Variants in HDAC6 observed in about 807,000 individuals in gnomAD.
The protein encoded by HDAC6 is protein deacetylase HDAC6.
HDAC6 carries 5 observed loss-of-function variants against 88.9 expected under a neutral mutation model. The observed-to-expected ratio is 0.06, with a 90% CI of 0.03 to 0.12. HDAC6 has a LOEUF of 0.12. Ranked by LOEUF, HDAC6 falls within the 10% of genes least tolerant of loss-of-function variation. HDAC6 has a pLI of 1.00. For missense variants in HDAC6, 706 were observed against 1,014.4 expected (o/e 0.70, Z 4.13); for synonymous variants, 378 against 398.0 (o/e 0.95, Z 0.60).
intron 23 of HDAC6, among the ~76,000 whole-genome samples, chrX:48,820,920 C>T (rs1939092077): frequency 9.0e-6 from 1 of 111,497 alleles, no homozygotes; most frequent in South Asian, 3.8e-4. Flanking sequence ...TCACTGCAGC[C>T]TCCACCTCCC....
At chrX:48,816,403 G>T in intron 18 of HDAC6, 62 bp from the exon 19 acceptor site, 1 of 1,127,053 alleles carries the variant, frequency 8.9e-7, no homozygotes, top group Non-Finnish European at 1.2e-6. Context: ...CTTAGGGGTG[G>T]GGACCAGGGA....
intron 19 of HDAC6, chrX:48,816,982 G>T (rs1342244120): frequency 1.9e-5 from 5 of 263,765 alleles, no homozygotes; most frequent in Admixed American, 6.2e-5. Context: ...GGGCGTGATG[G>T]CTCACACCTG....
intron 23 of HDAC6, among the ~76,000 whole-genome samples, chrX:48,820,524 T>TATA (rs1482579141): frequency 9.1e-6 from 1 of 110,177 alleles, no homozygotes; most frequent in Non-Finnish European, 1.9e-5. Flanking sequence ...CTTACCTCAT[T>TATA]TTCCTCTCTG....
intron 4 of HDAC6, 80 bp downstream of exon 4, chrX:48,803,296 C>G: frequency 1.3e-6 from 1 of 777,726 alleles, no homozygotes; most frequent in Non-Finnish European, 1.9e-6. Context: ...TAAATCTTTT[C>G]TTACCCCAGC....
Position 48,824,615 on chromosome X carries a change from C to A in HDAC6, c.*3C>A, listed in dbSNP as rs1367580822. ...AGGATATGCCCCACCCACACTAAGC[C>A]CCAGAATACGGTCCCTCTTCACCTT... On this transcript the variant is annotated 3_prime_UTR_variant, in exon 29 of 29. Transcript: ENST00000334136. 1 of 1,207,316 alleles carries A rather than the reference C, an allele frequency of 8.3e-7. No individual in the cohort carries two copies. The highest frequency in any genetic ancestry group is 3.0e-5 in the East Asian group (1 of 33,698).
At position 48,818,278 on chromosome X, in the gene HDAC6, G is replaced by C. The variant is rs782278004; in HGVS notation, c.2053G>C (p.Glu685Gln). The C allele has an allele frequency of 8.3e-7, 1 of 1,200,343 alleles. No homozygotes were observed. Among genetic ancestry groups the C allele is most frequent in the Non-Finnish European group, 1.1e-6 (1 of 889,842 alleles). ...DHGTFFPMGD[E>Q]GASSQIGRAA... ...TGGCACCTTCTTCCCCATGGGGGAT[G>C]AGGGTGCCAGCAGCCAGATCGGCCG... The change falls in exon 22 of 29, where the codon GAG (glutamate) becomes CAG (glutamine). Residue 685 changes from glutamate to glutamine, a missense_variant. Coordinates refer to ENST00000334136, the MANE Select transcript of HDAC6 (RefSeq NM_006044.4).
chrX:48,818,716 T>C lies in HDAC6; in HGVS notation c.2187+304T>C, dbSNP rs145152846. On this transcript the variant is annotated intron_variant, in intron 22 of 28. Coordinates refer to ENST00000334136, the MANE Select transcript of HDAC6 (RefSeq NM_006044.4). ...GTGTCCTGGCTGGATCTGTGTTGTATGTGCGTGCCATCACAAGTGCTTGAG... is the reference window on the plus strand; with the variant it reads ...GTGTCCTGGCTGGATCTGTGTTGTACGTGCGTGCCATCACAAGTGCTTGAG... Among the ~76,000 whole-genome samples, 127 of 112,419 alleles carry C rather than the reference T, an allele frequency of 1.1e-3. 2 individuals are homozygous for C. Among genetic ancestry groups the C allele is most frequent in the African/African-American group, 3.9e-3 (120 of 30,987 alleles).
At position 48,822,710 on chromosome X, in the gene HDAC6, C is replaced by T. The variant is rs375340273; in HGVS notation, c.2428C>T (p.Arg810Trp). Residue 810 changes from arginine to tryptophan, a missense_variant, in exon 24 of 29, where the codon CGG becomes TGG. By Grantham distance (101) the Arg-to-Trp change is moderately radical. Coordinates refer to ENST00000334136, the MANE Select transcript of HDAC6 (RefSeq NM_006044.4). Reference protein sequence around the residue: ...GDPPPLLTLPRPPLSGALASI... With the variant: ...GDPPPLLTLPWPPLSGALASI... ...CCCACCACCCCTGCTGACCCTGCCACGGCCCCCACTATCAGGGGCCCTGGC... is the reference window on the plus strand; with the variant it reads ...CCCACCACCCCTGCTGACCCTGCCATGGCCCCCACTATCAGGGGCCCTGGC... The T allele has an allele frequency of 6.6e-6, 8 of 1,206,468 alleles. No individual in the cohort carries two copies. The highest frequency in any genetic ancestry group is 2.3e-4 in the Middle Eastern group (1 of 4,345).
intron 19 of HDAC6, 113 bp downstream of exon 19, chrX:48,816,746 A>C: frequency 1.7e-5 from 4 of 235,003 alleles, no homozygotes; most frequent in Admixed American, 6.1e-5. Context: ...GAAAGGGGCC[A>C]TGGGGAGGGG....
rs2062818949 is a variant in HDAC6, at chrX:48,806,481, T to C, written c.534+17T>C. ...CTGCATCCGGTATGGATGAGAACTC[T>C]GCGGGCAGGGAATGGTGGCAATCTT... On this transcript the variant is annotated intron_variant, in intron 7 of 28. Coordinates refer to ENST00000334136, the MANE Select transcript of HDAC6 (RefSeq NM_006044.4). The C allele has an allele frequency of 4.4e-6, 5 of 1,132,851 alleles. No homozygotes were observed. Among genetic ancestry groups the C allele is most frequent in the Non-Finnish European group, 4.9e-6 (4 of 823,227 alleles). 93.4% of individuals were successfully genotyped at this position (1,132,851 alleles called of 1,213,427 possible).
intron 14 of HDAC6, 141 bp downstream of exon 14, chrX:48,815,192 C>T (rs1557027113): frequency 1.7e-6 from 1 of 572,742 alleles, no homozygotes; most frequent in African/African-American, 2.3e-5. Flanking sequence ...CTTCTTTGTG[C>T]CTCCGCTTTC....
chrX:48,802,036 T>C, upstream of HDAC6: 1 of 934,699 alleles, frequency 1.1e-6, no homozygotes, highest in East Asian at 7.9e-5. Context: ...AGCGAAACGT[T>C]AGCGGTCGGG....
At chrX:48,803,831 C>A (rs1377818338) in intron 4 of HDAC6, among the ~76,000 whole-genome samples, 5 of 111,903 alleles carry the variant, frequency 4.5e-5, no homozygotes, top group Non-Finnish European at 9.4e-5. Context: ...CATGCAGCAA[C>A]CTAAAAAAAT....
At position 48,814,974 on chromosome X, in the gene HDAC6, G is replaced by A. The variant is rs1250912295; in HGVS notation, c.1072G>A (p.Ala358Thr). The change falls in exon 14 of 29, where the codon GCC becomes ACC. Residue 358 changes from alanine to threonine, a missense_variant. By Grantham distance (58) the Ala-to-Thr change is moderately conservative. This residue lies in a region of HDAC6 where 106 missense variants were observed against 135.1 expected (regional missense o/e 0.78). Coordinates refer to ENST00000334136, the MANE Select transcript of HDAC6 (RefSeq NM_006044.4). ...LQGDPKGEMAATPAGFAQLTH... is the reference protein window; with the variant it reads ...LQGDPKGEMATTPAGFAQLTH... Reference sequence around the variant, plus strand: ...CATGTCCCCCCAGGGTGAGATGGCCGCCACTCCGGCAGGGTTCGCCCAGCT... The same window carrying A: ...CATGTCCCCCCAGGGTGAGATGGCCACCACTCCGGCAGGGTTCGCCCAGCT... 1.7e-6 allele frequency: 2 copies of A among 1,209,381 alleles called. No homozygotes were observed. Among genetic ancestry groups the A allele is most frequent in the East Asian group, 3.0e-5 (1 of 33,773 alleles).
intron 23 of HDAC6, among the ~76,000 whole-genome samples, chrX:48,822,145 A>AG (rs1485754690): frequency 1.8e-5 from 2 of 111,746 alleles, no homozygotes; most frequent in African/African-American, 6.5e-5. Flanking sequence ...AGGTCAGGGC[A>AG]GGGGCTTTTG....
At position 48,817,987 on chromosome X, in the gene HDAC6, C is replaced by T. The variant is rs143498608; in HGVS notation, c.1926-54C>T. 3.4e-3 allele frequency: 3,684 copies of T among 1,090,752 alleles called. 10 individuals carry two copies. The highest frequency in any genetic ancestry group is 4.0e-3 in the Non-Finnish European group (3,227 of 802,384). 89.9% of individuals were successfully genotyped at this position (1,090,752 alleles called of 1,213,427 possible). On this transcript the variant is annotated intron_variant, in intron 20 of 28. Transcript: ENST00000334136. ...TGCAGACCCCAGGGGTCTAGCCCAG[C>T]CCTCTTCCAGGGCGTGAGTATCGTC... is the stretch of plus-strand genomic sequence containing the variant.
At chrX:48,804,307 G>T (rs1201189266) in intron 4 of HDAC6, among the ~76,000 whole-genome samples, 1 of 111,157 alleles carries the variant, frequency 9.0e-6, no homozygotes, top group Admixed American at 9.5e-5. Context: ...AATCCTTCTC[G>T]CCCACACTAC....
chrX:48,820,066 C>T (rs936315177), intron 22 of HDAC6, 40 bp from the exon 23 acceptor site: 4 of 1,199,134 alleles, frequency 3.3e-6, no homozygotes, highest in Non-Finnish European at 4.5e-6. Context: ...CCAAAAGCCC[C>T]TACCCTCATG....
Position 48,823,748 on chromosome X carries a change from C to T in HDAC6, c.3266C>T (p.Ser1089Leu), listed in dbSNP as rs184473518. ...GCTGGAGGTCAGGACATGGCTGATT[C>T]GATGCTGATGCAGGGATCTAGGGGC... ...EAAGGQDMAD[S>L]MLMQGSRGLT... The change falls in exon 26 of 29, where the codon TCG becomes TTG. Residue 1089 changes from serine to leucine, a missense_variant. Physicochemically the swap from Ser to Leu is moderately radical, Grantham distance 145. Around this residue, in one of 9 missense-constraint regions of HDAC6, gnomAD observed 112 missense variants for 95.1 expected, o/e 1.18. Coordinates refer to ENST00000334136, the MANE Select transcript of HDAC6 (RefSeq NM_006044.4). 1.1e-5 allele frequency: 13 copies of T among 1,207,293 alleles called. No homozygotes were observed. Among genetic ancestry groups the T allele is most frequent in the African/African-American group, 5.3e-5 (3 of 56,982 alleles).
Sources: gnomAD v4.1 joint callset for allele counts (sites outside exome capture counted in the v4.1 genomes callset) on GRCh38, gnomAD v4.1.1 for gene constraint, gnomAD v4.1.1 regional missense constraint, MANE v1.5 for transcripts, NCBI Gene and HGNC (gene_info 2026-07-23, HGNC 2026-07-21) for gene names.